ASXL3: variants seen among roughly 807,000 people sequenced by gnomAD.
ASXL3 encodes the protein putative Polycomb group protein ASXL3.
Under a neutral mutation model 170.6 loss-of-function variants are expected in ASXL3, and 34 were observed. That is an observed-to-expected ratio of 0.20 (90% CI 0.15 to 0.27). The LOEUF (loss-of-function observed/expected upper bound fraction) is 0.27. ASXL3 is among the 10% of genes least tolerant of loss of function. ASXL3 has a pLI of 1.00. For missense variants in ASXL3, 2,592 were observed against 2,695.3 expected, an observed-to-expected ratio of 0.96 and a Z score of 0.85; for synonymous variants, 1,002 against 989.1, an observed-to-expected ratio of 1.01 and a Z score of -0.24.
At chr18:33,579,274 AGTTC>A (rs551344009) in intron 1 of ASXL3, among the ~76,000 whole-genome samples, 1 of 152,176 alleles carries the variant, frequency 6.6e-6, no homozygotes, top group South Asian at 2.1e-4. Flanking sequence ...GTGTGGCTCC[AGTTC>A]GTTTGTGTTT....
At chr18:33,589,232 A>G (rs1047523645) in intron 1 of ASXL3, among the ~76,000 whole-genome samples, 1 of 152,176 alleles carries the variant, frequency 6.6e-6, no homozygotes, top group African/African-American at 2.4e-5. Flanking sequence ...TATCTACCGT[A>G]AAGAGTGGTT....
At chr18:33,596,406 G>T (rs1286988799) in intron 1 of ASXL3, among the ~76,000 whole-genome samples, 2 of 152,096 alleles carry the variant, frequency 1.3e-5, no homozygotes, top group Admixed American at 1.3e-4. Context: ...GATTATTGAG[G>T]TGGTGGTGGT....
intron 7 of ASXL3, among the ~76,000 whole-genome samples, chr18:33,674,241 C>T (rs1324569279): frequency 6.6e-6 from 1 of 152,080 alleles, no homozygotes; most frequent in Non-Finnish European, 1.5e-5. Context: ...CCTGTAGGTG[C>T]CACTGAGGGA....
rs1171324888 is a variant in ASXL3 at position 33,645,020 on chromosome 18, G to A, written c.246+18G>A. 1.4e-6 allele frequency: 2 copies of A among 1,455,966 alleles called. No individual in the cohort carries two copies. Among genetic ancestry groups the A allele is most frequent in the Non-Finnish European group, 9.4e-7 (1 of 1,069,382 alleles). 90.2% of individuals were successfully genotyped at this position (1,455,966 alleles called of 1,614,324 possible). On this transcript the variant is annotated intron_variant, in intron 3 of 11. Transcript: ENST00000269197. The stretch of plus-strand genomic sequence containing the variant: ...CTCTCAAAGTAAGTTGCATTGTTCT[G>A]CATATTGTTATTACTATTATCATGC...
chr18:33,743,771 C>T lies in ASXL3; in HGVS notation c.3923C>T (p.Thr1308Ile). 3.7e-6 allele frequency: 6 copies of T among 1,613,998 alleles called. No homozygotes were observed. Among genetic ancestry groups the T allele is most frequent in the Non-Finnish European group, 5.1e-6 (6 of 1,179,906 alleles). ...ATTGAAAGCACTCCCATTTCAGCCACTACAGAGGGCTCCAGCATATCAAGC... is the reference window on the plus strand; with the variant it reads ...ATTGAAAGCACTCCCATTTCAGCCATTACAGAGGGCTCCAGCATATCAAGC... ...KCIESTPISA[T>I]TEGSSISSSM... The change falls in exon 12 of 12, where the codon ACT (threonine) becomes ATT (isoleucine). Residue 1308 changes from threonine to isoleucine, a missense_variant. Around this residue, in one of 4 missense-constraint regions of ASXL3, gnomAD observed 2,246 missense variants for 2,219.6 expected, o/e 1.01. Coordinates refer to ENST00000269197, the MANE Select transcript of ASXL3 (RefSeq NM_030632.3).
chr18:33,642,097 A>G (rs1408756257), intron 2 of ASXL3, among the ~76,000 whole-genome samples: 1 of 151,952 alleles, frequency 6.6e-6, no homozygotes, highest in Non-Finnish European at 1.5e-5. Flanking sequence ...TTTAAGATAT[A>G]TATATGTGTA....
At chr18:33,630,195 T>C (rs2145170278) in intron 2 of ASXL3, among the ~76,000 whole-genome samples, 1 of 152,158 alleles carries the variant, frequency 6.6e-6, no homozygotes, top group Middle Eastern at 3.4e-3. Context: ...TTCACTGCTC[T>C]TTCTAGTTAT....
chr18:33,608,836 C>T (rs982997045), intron 2 of ASXL3, among the ~76,000 whole-genome samples: 1 of 151,994 alleles, frequency 6.6e-6, no homozygotes, highest in Non-Finnish European at 1.5e-5. Flanking sequence ...ACCTATAACT[C>T]CTGTAACTTT....
chr18:33,606,727 A>G lies in ASXL3; in HGVS notation c.55-867A>G, dbSNP rs193082714. Among the ~76,000 whole-genome samples the G allele has an allele frequency of 1.5e-3, 234 of 152,040 alleles. 2 individuals carry two copies. Among genetic ancestry groups the G allele is most frequent in the Admixed American group, 2.6e-3 (39 of 15,242 alleles). On this transcript the variant is annotated intron_variant, in intron 1 of 11. Transcript: ENST00000269197. Reference sequence around the variant, plus strand: ...GTGTCATCTACCCTTGGAGTAGGTCATTGTGGAGATGTGTGTAACTTGTTT... The same window carrying G: ...GTGTCATCTACCCTTGGAGTAGGTCGTTGTGGAGATGTGTGTAACTTGTTT...
chr18:33,673,416 C>T (rs1043834412), intron 7 of ASXL3, among the ~76,000 whole-genome samples: 3 of 149,542 alleles, frequency 2.0e-5, no homozygotes, highest in Non-Finnish European at 4.4e-5. Context: ...CTCTTGTTGC[C>T]TGGGCTGGAG....
intron 8 of ASXL3, among the ~76,000 whole-genome samples, chr18:33,703,761 T>C (rs1483878774): frequency 6.6e-6 from 1 of 151,970 alleles, no homozygotes; most frequent in East Asian, 1.9e-4. Flanking sequence ...GGGTCAGAAC[T>C]TAAGTGACAC....
At chr18:33,586,097 G>T (rs902186432) in intron 1 of ASXL3, among the ~76,000 whole-genome samples, 1 of 152,100 alleles carries the variant, frequency 6.6e-6, no homozygotes, top group Non-Finnish European at 1.5e-5. Flanking sequence ...TAATGTATTA[G>T]AACCTATTTT....
intron 1 of ASXL3, among the ~76,000 whole-genome samples, chr18:33,588,144 A>G (rs1249911125): frequency 3.9e-5 from 6 of 152,088 alleles, no homozygotes; most frequent in Non-Finnish European, 8.8e-5. Context: ...TATCACTGTT[A>G]GTCTATGAAT....
intron 5 of ASXL3, among the ~76,000 whole-genome samples, chr18:33,664,830 A>C (rs568970042): frequency 1.3e-5 from 2 of 152,206 alleles, no homozygotes; most frequent in Non-Finnish European, 2.9e-5. Context: ...GACGATTGAC[A>C]TGGAATATTT....
intron 8 of ASXL3, among the ~76,000 whole-genome samples, chr18:33,685,189 A>C (rs984898454): frequency 3.9e-5 from 6 of 152,214 alleles, no homozygotes; most frequent in African/African-American, 1.4e-4. Context: ...TGAAAGTAGA[A>C]AGAATAGTTA....
chr18:33,734,395 T>C lies in ASXL3; in HGVS notation c.1062T>C (p.Phe354=). The C allele has an allele frequency of 6.2e-7, 1 of 1,604,926 alleles. No individual in the cohort carries two copies. Among genetic ancestry groups the C allele is most frequent in the Non-Finnish European group, 8.5e-7 (1 of 1,176,238 alleles). The part of the protein sequence containing the change: ...KKTEPWKEKF[F]ERFYGEKLGM... The stretch of plus-strand genomic sequence containing the variant: ...CAGAACCTTGGAAAGAAAAATTCTT[T>C]GAGAGGTTTTATGGAGAAAAGTAAG... Residue 354 remains phenylalanine, a synonymous_variant, in exon 10 of 12, where the codon TTT becomes TTC. Transcript: ENST00000269197.
rs372061130 is a variant in ASXL3, at chr18:33,587,295, A to G, written c.54+8610A>G. ...CCCCTGCAATCTTGTAGCAATTTCT[A>G]CAGCCTTAGATTTATGTTATTTTCT... is the stretch of plus-strand genomic sequence containing the variant. On this transcript the variant is annotated intron_variant, in intron 1 of 11. Transcript: ENST00000269197. 4.6e-5 allele frequency among the ~76,000 whole-genome samples: 7 copies of G among 152,304 alleles called. No homozygotes were observed. In the East Asian group the frequency reaches 1.4e-3, roughly 29 times the overall value.
intron 1 of ASXL3, among the ~76,000 whole-genome samples, chr18:33,582,740 G>GTTTT (rs71266913): frequency 1.1e-4 from 16 of 145,430 alleles, no homozygotes; most frequent in African/African-American, 3.8e-4. Context: ...GTGTGTGTGT[G>GTTTT]TTTTCTTGGT....
intron 5 of ASXL3, among the ~76,000 whole-genome samples, chr18:33,668,377 G>C (rs1235832222): frequency 6.7e-6 from 1 of 149,134 alleles, no homozygotes; most frequent in Non-Finnish European, 1.5e-5. Context: ...GCAGTGAGCC[G>C]AGATTGCACC....
Sources: gnomAD v4.1 joint callset for allele counts (sites outside exome capture counted in the v4.1 genomes callset) on GRCh38, gnomAD v4.1.1 for gene constraint, gnomAD v4.1.1 regional missense constraint, MANE v1.5 for transcripts, NCBI Gene and HGNC (gene_info 2026-07-23, HGNC 2026-07-21) for gene names.